The following KLHL28 variants were observed in gnomAD, a reference collection of about 807,000 sequenced individuals.
KLHL28 encodes kelch like family member 28, also known as kelch-like protein 28.
In KLHL28, 22 loss-of-function variants were observed where a neutral mutation model predicts 48.3. That is an observed-to-expected ratio of 0.46 (90% confidence interval 0.33 to 0.65). KLHL28 has a LOEUF of 0.65. KLHL28 is among the 30% of genes least tolerant of loss of function. The pLI is 0.03. For synonymous variants in KLHL28, 243 were observed against 242.4 expected (o/e 1.00, Z -0.02); for missense variants, 527 against 704.3 (o/e 0.75, Z 2.85).
At chr14:44,961,146 C>T (rs1035120134) in intron 1 of KLHL28, 3 of 399,928 alleles carry the variant, frequency 7.5e-6, no homozygotes, top group Admixed American at 8.6e-5. Flanking sequence ...TAAATGTCTA[C>T]TATCATTCCT....
intron 1 of KLHL28, among the ~76,000 whole-genome samples, chr14:44,949,816 C>T (rs1029720654): frequency 6.6e-6 from 1 of 152,108 alleles, no homozygotes; most frequent in Non-Finnish European, 1.5e-5. Flanking sequence ...ATTTTAATTG[C>T]AGTACTATTT....
At chr14:44,944,787 G>C (rs1205337072) in intron 2 of KLHL28, among the ~76,000 whole-genome samples, 1 of 152,138 alleles carries the variant, frequency 6.6e-6, no homozygotes, top group African/African-American at 2.4e-5. Context: ...AAAAGTTTGT[G>C]AGTAACCAGG....
Position 44,931,427 on chromosome 14 carries a change from T to A in KLHL28, c.1458A>T (p.Gly486=). Reference sequence around the variant, plus strand: ...TGGACAAATGTGAGACTCCATTATGTCCACCCACCACAAAAATAAAGCCTA... The same window carrying A: ...TGGACAAATGTGAGACTCCATTATGACCACCCACCACAAAAATAAAGCCTA... ...VMLGFIFVVG[G]HNGVSHLSSI... Residue 486 remains glycine, a synonymous_variant, in exon 4 of 5, where the codon GGA becomes GGT. Transcript: ENST00000396128. 1 of 1,614,002 alleles carries A rather than the reference T, an allele frequency of 6.2e-7. No individual in the cohort carries two copies. Among genetic ancestry groups the A allele is most frequent in the Non-Finnish European group, 8.5e-7 (1 of 1,179,900 alleles).
chr14:44,933,898 A>C (rs1347611730), intron 3 of KLHL28, among the ~76,000 whole-genome samples: 2 of 152,232 alleles, frequency 1.3e-5, no homozygotes, highest in Non-Finnish European at 2.9e-5. Context: ...GTCCATTTAT[A>C]GTGAATGAAT....
intron 1 of KLHL28, among the ~76,000 whole-genome samples, chr14:44,958,260 C>T (rs553599736): frequency 6.6e-6 from 1 of 151,842 alleles, no homozygotes; most frequent in Non-Finnish European, 1.5e-5. Flanking sequence ...GAGTTTTGTA[C>T]CTATCTACTT....
Position 44,960,954 on chromosome 14 carries a change from T to C in KLHL28, c.-1+892A>G, listed in dbSNP as rs1330554115. Reference sequence around the variant, plus strand: ...AAATTTGGGTCTTCAAATGATAACTTAGACTTTTCGCACGAGTCATTCAAA... The same window carrying C: ...AAATTTGGGTCTTCAAATGATAACTCAGACTTTTCGCACGAGTCATTCAAA... On this transcript the variant is annotated intron_variant, in intron 1 of 4. Coordinates refer to ENST00000396128, the MANE Select transcript of KLHL28 (RefSeq NM_017658.5). 11 of 1,466,526 alleles carry C rather than the reference T, an allele frequency of 7.5e-6. No individual in the cohort carries two copies. In the Admixed American group the frequency reaches 1.6e-4, roughly 21 times the overall value. 90.8% of individuals were successfully genotyped at this position (1,466,526 alleles called of 1,614,324 possible). A position where few individuals can be genotyped will look rare whatever the true frequency, so the allele number is the denominator to read the frequency against.
chr14:44,953,212 T>C (rs1884660850), intron 1 of KLHL28, among the ~76,000 whole-genome samples: 1 of 152,176 alleles, frequency 6.6e-6, no homozygotes, highest in South Asian at 2.1e-4. Context: ...GAGAAACGTT[T>C]AAATAAATGT....
At chr14:44,937,841 C>A (rs1024899076) in intron 2 of KLHL28, among the ~76,000 whole-genome samples, 5 of 152,188 alleles carry the variant, frequency 3.3e-5, no homozygotes, top group East Asian at 1.9e-4. Flanking sequence ...AAATGGCAGC[C>A]GGACTTATCC....
intron 1 of KLHL28, among the ~76,000 whole-genome samples, chr14:44,954,509 C>T (rs1019901757): frequency 2.0e-5 from 3 of 152,026 alleles, no homozygotes; most frequent in Admixed American, 1.3e-4. Context: ...TACTATACAG[C>T]GATGAAAAGG....
intron 3 of KLHL28, among the ~76,000 whole-genome samples, chr14:44,933,424 C>T (rs1202938708): frequency 1.3e-5 from 2 of 151,706 alleles, no homozygotes; most frequent in African/African-American, 2.4e-5. Flanking sequence ...AATCCTCCCA[C>T]GTCAGCCTCC....
Position 44,929,105 on chromosome 14 carries a change from C to G in KLHL28, c.1639G>C (p.Asp547His), listed in dbSNP as rs1387730067. The change falls in exon 5 of 5, where the codon GAT becomes CAT. Residue 547 changes from aspartate to histidine, a missense_variant. Coordinates refer to ENST00000396128, the MANE Select transcript of KLHL28 (RefSeq NM_017658.5). ...SSYLNTVQKYDPISDTWLDSA... is the reference protein window; with the variant it reads ...SSYLNTVQKYHPISDTWLDSA... ...TCCAGCCACGTATCTGAGATAGGAT[C>G]ATATTTCTGCACTGTATTCAGATAG... 1.2e-6 allele frequency: 2 copies of G among 1,613,796 alleles called. No homozygotes were observed. The highest frequency in any genetic ancestry group is 1.7e-6 in the Non-Finnish European group (2 of 1,179,934).
intron 2 of KLHL28, among the ~76,000 whole-genome samples, chr14:44,935,906 T>TATA (rs1429152138): frequency 2.2e-4 from 3 of 13,940 alleles, no homozygotes; most frequent in East Asian, 2.7e-3. Flanking sequence ...ATATATATCT[T>TATA]TACCCTCCCC....
At chr14:44,953,271 G>A (rs957535677) in intron 1 of KLHL28, among the ~76,000 whole-genome samples, 5 of 152,154 alleles carry the variant, frequency 3.3e-5, no homozygotes, top group African/African-American at 1.2e-4. Flanking sequence ...CTAGATTTCT[G>A]CTACATACCT....
intron 2 of KLHL28, among the ~76,000 whole-genome samples, chr14:44,937,012 T>C (rs1015858601): frequency 6.6e-6 from 1 of 152,096 alleles, no homozygotes; most frequent in Non-Finnish European, 1.5e-5. Context: ...TTTTTGAATG[T>C]GTTGAAGTCA....
In KLHL28 at chr14:44,961,899, G is replaced by A. The variant is rs976174295; in HGVS notation, c.-54C>T. The A allele has an allele frequency of 1.3e-5, 2 of 152,990 alleles. No homozygotes were observed. Among genetic ancestry groups the A allele is most frequent in the African/African-American group, 4.8e-5 (2 of 41,478 alleles). 9.5% of individuals were successfully genotyped at this position (152,990 alleles called of 1,614,324 possible). A position where few individuals can be genotyped will look rare whatever the true frequency, so the allele number is the denominator to read the frequency against. Reference sequence around the variant, plus strand: ...ACAGGAGGAGGAACCGCGGACAACTGGAGCCTGGGCTGGATCCTCACTAGC... The same window carrying A: ...ACAGGAGGAGGAACCGCGGACAACTAGAGCCTGGGCTGGATCCTCACTAGC... On this transcript the variant is annotated 5_prime_UTR_variant, in exon 1 of 5. Coordinates refer to ENST00000396128, the MANE Select transcript of KLHL28 (RefSeq NM_017658.5).
chr14:44,937,782 G>A (rs1165431860), intron 2 of KLHL28, among the ~76,000 whole-genome samples: 1 of 152,122 alleles, frequency 6.6e-6, no homozygotes, highest in Non-Finnish European at 1.5e-5. Flanking sequence ...TCATCTCATG[G>A]TAGAAGACAT....
intron 1 of KLHL28, among the ~76,000 whole-genome samples, chr14:44,955,905 C>T (rs1419673990): frequency 6.6e-6 from 1 of 152,194 alleles, no homozygotes; most frequent in Non-Finnish European, 1.5e-5. Context: ...ACAGGACAAA[C>T]TGATCATCAA....
At chr14:44,943,144 T>C (rs1377924129) in intron 2 of KLHL28, among the ~76,000 whole-genome samples, 1 of 152,206 alleles carries the variant, frequency 6.6e-6, no homozygotes, top group Non-Finnish European at 1.5e-5. Flanking sequence ...AATTTGTTAT[T>C]TTTAATAGTT....
At position 44,931,517 on chromosome 14, in the gene KLHL28, C is replaced by A; in HGVS notation, c.1368G>T (p.Lys456Asn). 1 of 1,613,440 alleles carries A rather than the reference C, an allele frequency of 6.2e-7. No individual in the cohort carries two copies. Among genetic ancestry groups the A allele is most frequent in the Non-Finnish European group, 8.5e-7 (1 of 1,179,492 alleles). The change falls in exon 4 of 5, where the codon AAG becomes AAT. Residue 456 changes from lysine to asparagine, a missense_variant. Coordinates refer to ENST00000396128, the MANE Select transcript of KLHL28 (RefSeq NM_017658.5). ...TGGATGCAACCATCTCCCAGGAGTC[C>A]TTACTTGGATCATAACGCTCCACAC... ...MNSVERYDPS[K>N]DSWEMVASMA...
Sources: allele counts gnomAD v4.1 joint callset (sites outside exome capture counted in the v4.1 genomes callset), GRCh38; gene constraint gnomAD v4.1.1; transcripts MANE v1.5; gene names NCBI Gene and HGNC (gene_info 2026-07-23, HGNC 2026-07-21).